SUGCT: variants seen among roughly 807,000 people sequenced by gnomAD.
The protein encoded by SUGCT is succinyl-CoA:glutarate CoA-transferase.
SUGCT carries 41 observed loss-of-function variants against 55.0 expected under a neutral mutation model. The ratio of observed to expected loss-of-function variants is 0.74; its 90% CI spans 0.58 to 0.97. The LOEUF (loss-of-function observed/expected upper bound fraction) is 0.97. SUGCT is among the 50% of genes least tolerant of loss of function. The pLI, the probability that SUGCT is intolerant of heterozygous loss-of-function variation, is 0.00. For missense variants in SUGCT, 568 were observed against 547.8 expected, an observed-to-expected ratio of 1.04 and a Z score of -0.37; for synonymous variants, 187 against 200.4, an observed-to-expected ratio of 0.93 and a Z score of 0.56.
intron 9 of SUGCT, among the ~76,000 whole-genome samples, chr7:40,361,146 T>C (rs1284248800): frequency 2.6e-5 from 4 of 152,092 alleles, no homozygotes; most frequent in Admixed American, 6.6e-5. Context: ...GTAATGACTT[T>C]ACCTATAGAC....
In SUGCT at chr7:40,512,653, ATTT is replaced by A. The variant is rs765994666; in HGVS notation, c.1089+16275_1089+16277del. 1.3e-5 allele frequency among the ~76,000 whole-genome samples: 2 copies of A among 150,890 alleles called. 1 individual carries two copies. Among genetic ancestry groups the A allele is most frequent in the South Asian group, 4.2e-4 (2 of 4,768 alleles). On this transcript the variant is annotated intron_variant, in intron 12 of 13. Coordinates refer to ENST00000335693, the MANE Select transcript of SUGCT (RefSeq NM_001193313.2). Reference sequence around the variant, plus strand: ...CATAAAGAACTTTAAAATGATGGAAATTTTTTTTTTAAGATGGTAAGATGTTTG... The same window carrying A: ...CATAAAGAACTTTAAAATGATGGAAATTTTTTTAAGATGGTAAGATGTTTG...
At chr7:40,316,953 C>CTTTTTTTTTTTTT in intron 9 of SUGCT, 98 bp downstream of exon 9, 1 of 183,582 alleles carries the variant, frequency 5.4e-6, no homozygotes, top group East Asian at 7.4e-5. Context: ...AATCCTTCAG[C>CTTTTTTTTTTTTT]TGTTTTTTTT....
intron 6 of SUGCT, among the ~76,000 whole-genome samples, chr7:40,224,838 T>C (rs966693215): frequency 7.9e-5 from 12 of 152,156 alleles, no homozygotes; most frequent in Admixed American, 6.6e-5. Flanking sequence ...TAGGGAGGAA[T>C]TGTGACTCTG....
intron 9 of SUGCT, among the ~76,000 whole-genome samples, chr7:40,429,124 T>G (rs1217516303): frequency 6.2e-5 from 1 of 16,080 alleles, no homozygotes; most frequent in Non-Finnish European, 1.1e-4. Context: ...TAATTACCGT[T>G]TTTTTTTTGT....
At chr7:40,976,811 A>G in the SUGCT span, among the ~76,000 whole-genome samples, 3 of 152,226 alleles carry the variant, frequency 2.0e-5, no homozygotes, top group East Asian at 5.8e-4. Flanking sequence ...GTTTAAAGCA[A>G]CAGTCAAATG....
intron 8 of SUGCT, among the ~76,000 whole-genome samples, chr7:40,304,234 C>A (rs1465929548): frequency 1.3e-5 from 2 of 151,862 alleles, no homozygotes; most frequent in Non-Finnish European, 2.9e-5. Flanking sequence ...AAGGAACAGC[C>A]CCTTGGGCTC....
At chr7:40,240,070 C>T (rs573371611) in intron 7 of SUGCT, among the ~76,000 whole-genome samples, 2 of 152,126 alleles carry the variant, frequency 1.3e-5, no homozygotes, top group South Asian at 4.2e-4. Context: ...AAAAGAACTG[C>T]GAAGAAGAGT....
At chr7:40,353,392 T>C (rs1797736641) in intron 9 of SUGCT, among the ~76,000 whole-genome samples, 1 of 152,148 alleles carries the variant, frequency 6.6e-6, no homozygotes, top group Non-Finnish European at 1.5e-5. Context: ...GTTCACATTT[T>C]AACAGGATCC....
intron 12 of SUGCT, among the ~76,000 whole-genome samples, chr7:40,644,241 A>G (rs1800394458): frequency 6.6e-6 from 1 of 152,168 alleles, no homozygotes; most frequent in East Asian, 1.9e-4. Context: ...TTTCCCCCAT[A>G]TAGCGAACAC....
At chr7:41,022,741 T>C in the SUGCT span, among the ~76,000 whole-genome samples, 1 of 152,150 alleles carries the variant, frequency 6.6e-6, no homozygotes, top group African/African-American at 2.4e-5. Flanking sequence ...AAATATGCAT[T>C]ATAATTTTAA....
chr7:40,623,452 A>G (rs1406605258), intron 12 of SUGCT, among the ~76,000 whole-genome samples: 1 of 151,752 alleles, frequency 6.6e-6, no homozygotes, highest in Non-Finnish European at 1.5e-5. Flanking sequence ...TTTCTCTCTC[A>G]TTTTTCTGTA....
chr7:40,915,816 A>G, the SUGCT span, among the ~76,000 whole-genome samples: 7 of 152,254 alleles, frequency 4.6e-5, no homozygotes, highest in Admixed American at 1.3e-4. Flanking sequence ...TAAATAAAAT[A>G]GAATTTGATA....
chr7:40,873,732 G>T, the SUGCT span, among the ~76,000 whole-genome samples: 1 of 152,182 alleles, frequency 6.6e-6, no homozygotes, highest in Admixed American at 6.5e-5. Flanking sequence ...TGAAGATTTT[G>T]TGTTTGTTAA....
intron 12 of SUGCT, among the ~76,000 whole-genome samples, chr7:40,743,261 A>C (rs373334675): frequency 1.5e-4 from 23 of 152,352 alleles, no homozygotes; most frequent in African/African-American, 4.8e-4. Context: ...TTGGAAATTC[A>C]GTAAAACAGT....
rs113542507 is a variant in SUGCT, at chr7:40,193,549, T to C, written c.364-1391T>C. 3.3e-3 allele frequency among the ~76,000 whole-genome samples: 499 copies of C among 151,788 alleles called. 6 individuals are homozygous for C. Among genetic ancestry groups the C allele is most frequent in the African/African-American group, 0.011 (450 of 41,342 alleles). The stretch of plus-strand genomic sequence containing the variant: ...ATCTGCCTACCTAGGCCCCCCAAAG[T>C]GCTGGGATTTACAGGTGTGAGCCAC... On this transcript the variant is annotated intron_variant, in intron 5 of 13. Coordinates refer to ENST00000335693, the MANE Select transcript of SUGCT (RefSeq NM_001193313.2).
the SUGCT span, among the ~76,000 whole-genome samples, chr7:41,013,899 A>G: frequency 3.3e-5 from 5 of 152,158 alleles, no homozygotes; most frequent in Non-Finnish European, 7.4e-5. Flanking sequence ...CGATGATGTC[A>G]ATTTTCAATT....
intron 7 of SUGCT, among the ~76,000 whole-genome samples, chr7:40,268,344 A>T (rs945021968): frequency 6.6e-6 from 1 of 152,238 alleles, no homozygotes; most frequent in Non-Finnish European, 1.5e-5. Context: ...AAATGGAATT[A>T]TATAATATGC....
intron 3 of SUGCT, among the ~76,000 whole-genome samples, chr7:40,184,494 T>C (rs1785387355): frequency 6.6e-6 from 1 of 151,856 alleles, no homozygotes; most frequent in African/African-American, 2.4e-5. Flanking sequence ...CCCGGCCTTA[T>C]TAAATTTTTT....
chr7:40,863,391 C>T (rs1248691875), downstream of SUGCT, among the ~76,000 whole-genome samples: 1 of 152,156 alleles, frequency 6.6e-6, no homozygotes, highest in African/African-American at 2.4e-5. Flanking sequence ...ACCACTGACT[C>T]TTTTGTGCCA....
Sources: allele counts gnomAD v4.1 joint callset (sites outside exome capture counted in the v4.1 genomes callset), GRCh38; gene constraint gnomAD v4.1.1; transcripts MANE v1.5; gene names NCBI Gene and HGNC (gene_info 2026-07-23, HGNC 2026-07-21).